ABCA12: variants seen among roughly 807,000 people sequenced by gnomAD.
ABCA12 encodes the protein glucosylceramide transporter ABCA12.
Under a neutral mutation model 293.5 loss-of-function variants are expected in ABCA12, and 156 were observed. The observed-to-expected ratio is 0.53, with a 90% CI of 0.47 to 0.61. The LOEUF (loss-of-function observed/expected upper bound fraction) is 0.61. Ranked by LOEUF, ABCA12 falls within the 20% of genes least tolerant of loss-of-function variation. The probability of loss-of-function intolerance (pLI) is 0.00; values close to 1 mark genes in which losing one functional copy is unlikely to be tolerated. For synonymous variants in ABCA12, 1,063 were observed against 1,108.0 expected, an observed-to-expected ratio of 0.96 and a Z score of 0.81; for missense variants, 2,797 against 3,090.2, an observed-to-expected ratio of 0.91 and a Z score of 2.25.
rs1195792230 is a variant in ABCA12 at position 214,978,926 on chromosome 2, C to A, written c.4855G>T (p.Val1619Leu). 1 of 1,613,930 alleles carries A rather than the reference C, an allele frequency of 6.2e-7. No homozygotes were observed. The highest frequency in any genetic ancestry group is 8.5e-7 in the Non-Finnish European group (1 of 1,179,998). ...ACTTTGGTGCTGAATGGAGGAAGTA[C>A]ATAAACAAGCTCTCCCCCAATATCC... ...KEDIGGELVY[V>L]LPPFSTKVSG... The change falls in exon 32 of 53, where the codon GTA (valine) becomes TTA (leucine). Residue 1619 changes from valine (V) to leucine (L), a missense_variant. Around this residue, in one of 3 missense-constraint regions of ABCA12, gnomAD observed 2,130 missense variants for 2,427.0 expected, o/e 0.88. Coordinates refer to ENST00000272895, the MANE Select transcript of ABCA12 (RefSeq NM_173076.3).
intron 23 of ABCA12, among the ~76,000 whole-genome samples, chr2:214,991,996 C>T (rs866204601): frequency 3.9e-4 from 60 of 152,040 alleles, no homozygotes; most frequent in Non-Finnish European, 2.4e-4. Context: ...CAAACCTACA[C>T]GCTGTGCACA....
chr2:215,079,394 C>T (rs1195666830), intron 2 of ABCA12, among the ~76,000 whole-genome samples: 1 of 152,116 alleles, frequency 6.6e-6, no homozygotes, highest in Admixed American at 6.5e-5. Flanking sequence ...ACTAAACAGC[C>T]CGTGTTCGGT....
chr2:214,940,157 A>G (rs1189268274), intron 50 of ABCA12, among the ~76,000 whole-genome samples: 2 of 152,088 alleles, frequency 1.3e-5, no homozygotes, highest in East Asian at 1.9e-4. Context: ...TGGTTTATTG[A>G]GAGTTTTTAG....
intron 5 of ABCA12, among the ~76,000 whole-genome samples, chr2:215,051,554 A>G (rs1559167697): frequency 6.6e-6 from 1 of 151,648 alleles, no homozygotes; most frequent in Non-Finnish European, 1.5e-5. Flanking sequence ...ATGTCTCATG[A>G]TCAGATAAAA....
chr2:214,981,978 A>ATTATT (rs1390243149), intron 30 of ABCA12, among the ~76,000 whole-genome samples: 3 of 136,322 alleles, frequency 2.2e-5, no homozygotes, highest in South Asian at 2.3e-4. Context: ...TATTATTATT[A>ATTATT]TTATTATTTT....
At chr2:215,099,653 A>T (rs1310333941) in intron 2 of ABCA12, among the ~76,000 whole-genome samples, 1 of 150,236 alleles carries the variant, frequency 6.7e-6, no homozygotes, top group Non-Finnish European at 1.5e-5. Context: ...ACATCACGCC[A>T]CTGCACTCCA....
chr2:215,080,100 A>C (rs1055038854), intron 2 of ABCA12, among the ~76,000 whole-genome samples: 1 of 152,188 alleles, frequency 6.6e-6, no homozygotes, highest in Non-Finnish European at 1.5e-5. Context: ...CTTTATTCCT[A>C]AATCATTTTT....
chr2:214,987,586 G>C, intron 27 of ABCA12, 61 bp downstream of exon 27: 1 of 1,569,400 alleles, frequency 6.4e-7, no homozygotes, highest in Non-Finnish European at 8.6e-7. Context: ...GAAACTACTA[G>C]TCATGTAATT....
intron 9 of ABCA12, among the ~76,000 whole-genome samples, chr2:215,030,844 T>C (rs933058449): frequency 6.6e-6 from 1 of 152,228 alleles, no homozygotes; most frequent in African/African-American, 2.4e-5. Flanking sequence ...CGTTCTATTT[T>C]AGAAAAAGAA....
At chr2:215,074,984 C>G (rs941417656) in intron 2 of ABCA12, among the ~76,000 whole-genome samples, 12 of 151,828 alleles carry the variant, frequency 7.9e-5, no homozygotes, top group African/African-American at 2.9e-4. Flanking sequence ...AATAAATGTA[C>G]TGGGATAGAT....
At chr2:214,952,878 T>G (rs2105930070) in intron 44 of ABCA12, among the ~76,000 whole-genome samples, 1 of 152,360 alleles carries the variant, frequency 6.6e-6, no homozygotes, top group South Asian at 2.1e-4. Context: ...TCTTAATATA[T>G]TTCTCTATCT....
rs1700285815 is a variant in ABCA12, at chr2:215,007,763, G to A, written c.2556C>T (p.Ser852=). The change falls in exon 19 of 53, where the codon TCC becomes TCT. Residue 852 remains serine (S), a synonymous_variant. Transcript: ENST00000272895. ...GAATTGCCTGGTTTAACAGATGGAA[G>A]GAATTCATGAAAAGTGGCGACTTAT... The part of the protein sequence containing the change: ...WMDKSPLFMN[S]FHLLNQAIPM... 2 of 1,613,926 alleles carry A rather than the reference G, an allele frequency of 1.2e-6. No homozygotes were observed. The highest frequency in any genetic ancestry group is 1.3e-5 in the African/African-American group (1 of 74,922).
chr2:214,946,279 G>A (rs1042517962), intron 48 of ABCA12, among the ~76,000 whole-genome samples: 1 of 152,020 alleles, frequency 6.6e-6, no homozygotes, highest in Non-Finnish European at 1.5e-5. Flanking sequence ...GGGAAACAAA[G>A]GATACATTGT....
At chr2:214,949,245 T>G in intron 45 of ABCA12, 96 bp from the exon 46 acceptor site, 1 of 885,856 alleles carries the variant, frequency 1.1e-6, no homozygotes, top group East Asian at 2.5e-5. Flanking sequence ...TGAAATAAAT[T>G]ACCGAGAAAA....
chr2:215,083,845 C>G (rs1452270313), intron 2 of ABCA12, among the ~76,000 whole-genome samples: 1 of 152,090 alleles, frequency 6.6e-6, no homozygotes, highest in East Asian at 1.9e-4. Context: ...CATATTTTCC[C>G]CTTAAGCTAC....
rs776573406 is a variant in ABCA12 at position 214,966,904 on chromosome 2, C to T, written c.5828G>A (p.Ser1943Asn). 2 of 1,613,836 alleles carry T rather than the reference C, an allele frequency of 1.2e-6. No homozygotes were observed. Among genetic ancestry groups the T allele is most frequent in the South Asian group, 1.1e-5 (1 of 91,080 alleles). The change falls in exon 39 of 53, where the codon AGC (serine) becomes AAC (asparagine). Residue 1943 changes from serine (S) to asparagine (N), a missense_variant. Physicochemically the swap from Ser to Asn is conservative, Grantham distance 46. Transcript: ENST00000272895. Reference sequence around the variant, plus strand: ...AACTCGCAGAAGGAAATTATTCAGGCTGTTGAGGTAAGCTGGAAGGGAGTG... The same window carrying T: ...AACTCGCAGAAGGAAATTATTCAGGTTGTTGAGGTAAGCTGGAAGGGAGTG... Reference protein sequence around the residue: ...GYHSLPAYLNSLNNFLLRVNM... With the variant: ...GYHSLPAYLNNLNNFLLRVNM...
At chr2:215,085,128 A>G (rs550445610) in intron 2 of ABCA12, among the ~76,000 whole-genome samples, 83 of 152,142 alleles carry the variant, frequency 5.5e-4, no homozygotes, top group Non-Finnish European at 9.0e-4. Context: ...AACAAACAAA[A>G]AACACATTGT....
rs368283339 is a variant in ABCA12, at chr2:214,956,742, T to A, written c.6154A>T (p.Ile2052Phe). ...YLVPVAFSIG[I>F]IAIFKLPAFY... ...GCAGGTAATTTGAAAATCGCAATGA[T>A]ACCAATTGAAAACGCTACAGGCACC... is the stretch of plus-strand genomic sequence containing the variant. The change falls in exon 42 of 53, where the codon ATC becomes TTC. Residue 2052 changes from isoleucine to phenylalanine, a missense_variant. Physicochemically the swap from Ile to Phe is conservative, Grantham distance 21. Transcript: ENST00000272895. The A allele has an allele frequency of 6.2e-7, 1 of 1,613,068 alleles. No individual in the cohort carries two copies. The highest frequency in any genetic ancestry group is 8.5e-7 in the Non-Finnish European group (1 of 1,179,678).
chr2:215,026,740 G>T, intron 10 of ABCA12, 80 bp downstream of exon 10: 1 of 1,202,990 alleles, frequency 8.3e-7, no homozygotes, highest in Non-Finnish European at 1.2e-6. Context: ...TCCTGTGTAA[G>T]CAAATGCCTC....
Sources: allele counts gnomAD v4.1 joint callset (sites outside exome capture counted in the v4.1 genomes callset), GRCh38; gene constraint gnomAD v4.1.1; regional missense constraint gnomAD v4.1.1; transcripts MANE v1.5; gene names NCBI Gene and HGNC (gene_info 2026-07-23, HGNC 2026-07-21).